CDH13: variants seen among roughly 807,000 people sequenced by gnomAD.
The protein encoded by CDH13 is cadherin 13.
A neutral mutation model predicts 63.8 loss-of-function variants in CDH13; 24 were observed. The ratio of observed to expected loss-of-function variants is 0.38; its 90% confidence interval spans 0.27 to 0.53. The LOEUF (loss-of-function observed/expected upper bound fraction) is 0.53, where lower values mean the gene tolerates loss of function less well. Among genes scored for constraint, CDH13 ranks in the 20% least tolerant of loss-of-function variants. The pLI, the probability that CDH13 is intolerant of heterozygous loss-of-function variation, is 0.85. For missense variants in CDH13, 1,049 were observed against 903.1 expected (o/e 1.16, Z -2.07); for synonymous variants, 503 against 355.3 (o/e 1.42, Z -4.67).
chr16:82,733,316 C>A (rs1351044202), intron 1 of CDH13, among the ~76,000 whole-genome samples: 1 of 152,108 alleles, frequency 6.6e-6, no homozygotes, highest in African/African-American at 2.4e-5. Flanking sequence ...GTGAGTTGTC[C>A]ATAAATAGTC....
chr16:82,837,867 G>C (rs775327578), intron 1 of CDH13, among the ~76,000 whole-genome samples: 1 of 152,176 alleles, frequency 6.6e-6, no homozygotes, highest in Non-Finnish European at 1.5e-5. Flanking sequence ...ACCAGTTATG[G>C]GCATGGGAAT....
chr16:82,679,436 C>G (rs1914301121), intron 1 of CDH13, among the ~76,000 whole-genome samples: 1 of 152,162 alleles, frequency 6.6e-6, no homozygotes, highest in Non-Finnish European at 1.5e-5. Flanking sequence ...AGATTTACCT[C>G]CTACTAAAAT....
intron 2 of CDH13, chr16:82,858,831 G>A (rs1366579417): frequency 6.1e-6 from 2 of 328,606 alleles, no homozygotes; most frequent in Non-Finnish European, 1.1e-5. Flanking sequence ...GCAGATTGCT[G>A]TTCTACCTGT....
chr16:83,249,092 CA>C (rs1338066777), intron 5 of CDH13, among the ~76,000 whole-genome samples: 1 of 152,206 alleles, frequency 6.6e-6, no homozygotes, highest in Non-Finnish European at 1.5e-5. Flanking sequence ...ACTACTAAAA[CA>C]CAAATTCACC....
At chr16:82,635,681 G>A (rs1268852299) in intron 1 of CDH13, among the ~76,000 whole-genome samples, 2 of 152,312 alleles carry the variant, frequency 1.3e-5, no homozygotes, top group Non-Finnish European at 2.9e-5. Flanking sequence ...ATTCAGGAAC[G>A]ACGGTGCAGA....
intron 1 of CDH13, among the ~76,000 whole-genome samples, chr16:82,739,464 G>A (rs2151050715): frequency 6.6e-6 from 1 of 152,144 alleles, no homozygotes; most frequent in East Asian, 1.9e-4. Context: ...TAGTTGTCTT[G>A]GTAAATTTTA....
At chr16:83,200,706 A>G (rs757466941) in intron 4 of CDH13, among the ~76,000 whole-genome samples, 2 of 152,196 alleles carry the variant, frequency 1.3e-5, no homozygotes, top group Non-Finnish European at 2.9e-5. Context: ...AAAGACTTGC[A>G]TGGATGGTGC....
chr16:83,273,842 A>G (rs1453934898), intron 5 of CDH13, among the ~76,000 whole-genome samples: 1 of 152,182 alleles, frequency 6.6e-6, no homozygotes, highest in Non-Finnish European at 1.5e-5. Flanking sequence ...AAGAAAATTG[A>G]GGCTCAGAGG....
At chr16:83,325,873 A>C (rs189306292) in intron 5 of CDH13, among the ~76,000 whole-genome samples, 3 of 152,316 alleles carry the variant, frequency 2.0e-5, no homozygotes, top group Non-Finnish European at 4.4e-5. Context: ...GGCTGTGTTA[A>C]ATTAATTGAA....
intron 13 of CDH13, among the ~76,000 whole-genome samples, chr16:83,788,231 C>T (rs571390596): frequency 3.9e-5 from 6 of 152,182 alleles, no homozygotes; most frequent in African/African-American, 9.6e-5. Flanking sequence ...ACCCTGCTCA[C>T]GGTTCAGCTA....
chr16:83,511,906 C>A (rs1297806429), intron 7 of CDH13, among the ~76,000 whole-genome samples: 1 of 152,138 alleles, frequency 6.6e-6, no homozygotes, highest in Non-Finnish European at 1.5e-5. Flanking sequence ...ACCTCTCATA[C>A]CCTCGAAAGG....
intron 7 of CDH13, among the ~76,000 whole-genome samples, chr16:83,568,294 A>G (rs1002324473): frequency 5.3e-5 from 8 of 152,248 alleles, no homozygotes; most frequent in Admixed American, 4.6e-4. Context: ...AATTTCTTAT[A>G]AAGATGAACT....
chr16:83,060,534 C>T (rs1453604499), intron 3 of CDH13, among the ~76,000 whole-genome samples: 1 of 152,134 alleles, frequency 6.6e-6, no homozygotes, highest in Non-Finnish European at 1.5e-5. Context: ...TTGCCTAATT[C>T]ATAAAGAGGC....
chr16:82,835,676 G>C (rs186538646), intron 1 of CDH13, among the ~76,000 whole-genome samples: 1 of 152,124 alleles, frequency 6.6e-6, no homozygotes, highest in East Asian at 1.9e-4. Flanking sequence ...CTTGATCAGC[G>C]GCCTCCCTGC....
intron 6 of CDH13, among the ~76,000 whole-genome samples, chr16:83,452,760 A>G (rs1393589002): frequency 6.6e-6 from 1 of 152,240 alleles, no homozygotes; most frequent in Non-Finnish European, 1.5e-5. Flanking sequence ...GGTGAAAGAA[A>G]TAATGTATGT....
At chr16:83,478,493 A>G (rs1235851706) in intron 6 of CDH13, among the ~76,000 whole-genome samples, 1 of 152,096 alleles carries the variant, frequency 6.6e-6, no homozygotes. Flanking sequence ...ATTATCAAGC[A>G]CTTTCTGGAT....
chr16:82,851,814 A>C (rs2039500557), intron 1 of CDH13, among the ~76,000 whole-genome samples: 1 of 152,150 alleles, frequency 6.6e-6, no homozygotes, highest in African/African-American at 2.4e-5. Context: ...TAAAGAATTA[A>C]TCAAAATACA....
chr16:83,385,509 T>C (rs562485389), intron 6 of CDH13, among the ~76,000 whole-genome samples: 1 of 152,322 alleles, frequency 6.6e-6, no homozygotes, highest in Non-Finnish European at 1.5e-5. Context: ...TCTCAGTGTC[T>C]TAATAAATTA....
At chr16:82,838,564 C>T (rs2038870816) in intron 1 of CDH13, among the ~76,000 whole-genome samples, 2 of 152,194 alleles carry the variant, frequency 1.3e-5, no homozygotes, top group East Asian at 3.9e-4. Context: ...CATGAAGATG[C>T]TCATTGCTTC....
Sources: gnomAD v4.1 joint callset for allele counts (sites outside exome capture counted in the v4.1 genomes callset) on GRCh38, gnomAD v4.1.1 for gene constraint, MANE v1.5 for transcripts, NCBI Gene and HGNC (gene_info 2026-07-23, HGNC 2026-07-21) for gene names.